KLHL32: variants seen among roughly 807,000 people sequenced by gnomAD.
The protein encoded by KLHL32 is kelch like family member 32, also known as kelch-like protein 32.
KLHL32 carries 35 observed loss-of-function variants against 64.8 expected under a neutral mutation model. The ratio of observed to expected loss-of-function variants is 0.54; its 90% CI spans 0.41 to 0.72. The LOEUF is 0.72. Ranked by LOEUF, KLHL32 falls within the 30% of genes least tolerant of loss-of-function variation. The pLI is 0.00. For synonymous variants in KLHL32, 259 were observed against 281.0 expected, an observed-to-expected ratio of 0.92 and a Z score of 0.78; for missense variants, 589 against 768.5, an observed-to-expected ratio of 0.77 and a Z score of 2.76.
chr6:97,121,567 A>T (rs966885939), intron 7 of KLHL32, among the ~76,000 whole-genome samples: 2 of 150,118 alleles, frequency 1.3e-5, no homozygotes, highest in Non-Finnish European at 3.0e-5. Context: ...TAGATTAGAA[A>T]TTTTTTTCTG....
intron 3 of KLHL32, among the ~76,000 whole-genome samples, chr6:97,021,506 G>C (rs967391975): frequency 2.7e-5 from 4 of 150,674 alleles, no homozygotes; most frequent in Non-Finnish European, 5.9e-5. Flanking sequence ...ATTCTATTCA[G>C]GCTTTCAGTT....
intron 5 of KLHL32, among the ~76,000 whole-genome samples, chr6:97,075,928 C>T (rs546390849): frequency 1.3e-5 from 2 of 152,230 alleles, no homozygotes; most frequent in South Asian, 4.2e-4. Context: ...TTTTTGATCT[C>T]CATAGTGTGC....
chr6:97,024,358 A>G (rs1304905610), intron 3 of KLHL32, among the ~76,000 whole-genome samples: 7 of 151,460 alleles, frequency 4.6e-5, no homozygotes, highest in Admixed American at 4.6e-4. Flanking sequence ...ACTGTGGGAC[A>G]GGACCTTGTG....
chr6:97,072,415 T>A (rs1043015172), intron 5 of KLHL32, among the ~76,000 whole-genome samples: 4 of 152,158 alleles, frequency 2.6e-5, no homozygotes, highest in African/African-American at 7.2e-5. Context: ...ATTGATTTTT[T>A]AAAAAAATCA....
At chr6:96,905,992 A>T in the KLHL32 span, among the ~76,000 whole-genome samples, 1 of 152,180 alleles carries the variant, frequency 6.6e-6, no homozygotes, top group Non-Finnish European at 1.5e-5. Flanking sequence ...TTGCAGGCAC[A>T]GCTCTGCCTT....
At chr6:96,924,099 C>T (rs1008456784), upstream of KLHL32, among the ~76,000 whole-genome samples, 2 of 152,210 alleles carry the variant, frequency 1.3e-5, no homozygotes, top group African/African-American at 4.8e-5. Flanking sequence ...GTTGGTTCCC[C>T]TGACGTTTCT....
intron 1 of KLHL32, among the ~76,000 whole-genome samples, chr6:96,961,210 G>C (rs1562194462): frequency 6.6e-6 from 1 of 152,156 alleles, no homozygotes; most frequent in Non-Finnish European, 1.5e-5. Context: ...ACATTATATA[G>C]GGTTAAATAA....
chr6:96,971,742 A>G (rs1020992126), intron 2 of KLHL32, among the ~76,000 whole-genome samples: 2 of 152,182 alleles, frequency 1.3e-5, no homozygotes, highest in Non-Finnish European at 2.9e-5. Context: ...GTGGAAAAAA[A>G]CAGAGGGACA....
chr6:96,904,351 AAAAAAAAAGAAAAG>A, the KLHL32 span, among the ~76,000 whole-genome samples: 6 of 151,270 alleles, frequency 4.0e-5, no homozygotes, highest in Admixed American at 6.6e-5. Flanking sequence ...AAAAAAAAAA[AAAAAAAAAGAAAAG>A]AAAAAGAAAG....
intron 6 of KLHL32, among the ~76,000 whole-genome samples, chr6:97,095,082 A>G (rs997456969): frequency 1.3e-5 from 2 of 152,220 alleles, no homozygotes; most frequent in African/African-American, 4.8e-5. Flanking sequence ...GTAATTTGGC[A>G]TTAATTATAC....
rs1260939112 is a variant in KLHL32 at position 97,118,466 on chromosome 6, A to G, written c.1354+3957A>G. On this transcript the variant is annotated intron_variant, in intron 7 of 10. Coordinates refer to ENST00000369261, the MANE Select transcript of KLHL32 (RefSeq NM_052904.4). ...AAACCCCATCTCTACTAAAAATACA[A>G]AAATTAGCTGGGCGTGGTGGCGGGC... Among the ~76,000 whole-genome samples the G allele has an allele frequency of 2.6e-5, 4 of 152,138 alleles. No homozygotes were observed. In the East Asian group the frequency reaches 7.7e-4, roughly 29 times the overall value.
chr6:96,982,345 T>G (rs1256209933), intron 3 of KLHL32, among the ~76,000 whole-genome samples: 1 of 152,194 alleles, frequency 6.6e-6, no homozygotes, highest in Non-Finnish European at 1.5e-5. Flanking sequence ...CCTTAAAGTC[T>G]GTTTTGTCTG....
the KLHL32 span, among the ~76,000 whole-genome samples, chr6:96,917,650 T>C: frequency 6.6e-6 from 1 of 152,190 alleles, no homozygotes; most frequent in Non-Finnish European, 1.5e-5. Flanking sequence ...CCTCCTCTGG[T>C]ATTCAGGCAT....
intron 3 of KLHL32, among the ~76,000 whole-genome samples, chr6:96,981,025 A>G (rs371497714): frequency 0.012 from 1,762 of 151,678 alleles, 39 homozygotes; most frequent in African/African-American, 0.039. Flanking sequence ...CAGGCGGGGG[A>G]AAAGCCCCTC....
intron 3 of KLHL32, among the ~76,000 whole-genome samples, chr6:96,987,107 T>C (rs1777202946): frequency 6.6e-6 from 1 of 152,220 alleles, no homozygotes. Flanking sequence ...TCTTTTCTTC[T>C]TTATTAGTCT....
intron 5 of KLHL32, among the ~76,000 whole-genome samples, chr6:97,067,096 C>T (rs1789901612): frequency 6.6e-6 from 1 of 152,256 alleles, no homozygotes; most frequent in East Asian, 1.9e-4. Flanking sequence ...AAGGGCAGAC[C>T]GGCTCAAATA....
At chr6:96,979,684 TA>T (rs1171876307) in intron 3 of KLHL32, among the ~76,000 whole-genome samples, 1 of 152,212 alleles carries the variant, frequency 6.6e-6, no homozygotes, top group African/African-American at 2.4e-5. Context: ...AGGTTTTTTC[TA>T]ATTCTGTGAA....
rs974445146 is a variant in KLHL32, at chr6:97,045,439, C to A, written c.312+3840C>A. 3.3e-5 allele frequency among the ~76,000 whole-genome samples: 5 copies of A among 152,096 alleles called. No homozygotes were observed. In the South Asian group the frequency reaches 6.2e-4, roughly 19 times the overall value. On this transcript the variant is annotated intron_variant, in intron 4 of 10. Transcript: ENST00000369261. The stretch of plus-strand genomic sequence containing the variant: ...CCATCTCTAGAGTAAGATTGAAAAC[C>A]CATAGCTCTTACTTCACAGGTGTGC...
At chr6:96,966,459 A>G (rs1774466565) in intron 1 of KLHL32, among the ~76,000 whole-genome samples, 1 of 151,956 alleles carries the variant, frequency 6.6e-6, no homozygotes, top group South Asian at 2.1e-4. Context: ...ATAAGAATCC[A>G]TTTTTCATTT....
Sources: allele counts gnomAD v4.1 joint callset (sites outside exome capture counted in the v4.1 genomes callset), GRCh38; gene constraint gnomAD v4.1.1; transcripts MANE v1.5; gene names NCBI Gene and HGNC (gene_info 2026-07-23, HGNC 2026-07-21).